The following PIKFYVE variants were observed in gnomAD, a reference collection of about 807,000 sequenced individuals.
PIKFYVE encodes phosphoinositide kinase, FYVE-type zinc finger containing.
In PIKFYVE, 122 loss-of-function variants were observed where a neutral mutation model predicts 257.9. That is an observed-to-expected ratio of 0.47 (90% CI 0.41 to 0.55). PIKFYVE has a LOEUF of 0.55. Ranked by LOEUF, PIKFYVE falls within the 20% of genes least tolerant of loss-of-function variation. The probability of loss-of-function intolerance (pLI) is 0.00; values close to 1 mark genes in which losing one functional copy is unlikely to be tolerated. For synonymous variants in PIKFYVE, 892 were observed against 868.9 expected, an observed-to-expected ratio of 1.03 and a Z score of -0.47; for missense variants, 2,160 against 2,536.6, an observed-to-expected ratio of 0.85 and a Z score of 3.19.
Position 208,336,804 on chromosome 2 carries a change from C to CATAT in PIKFYVE, c.4521-23_4521-20dup, listed in dbSNP as rs368000022. 12 of 1,398,086 alleles carry CATAT rather than the reference C, an allele frequency of 8.6e-6. No individual in the cohort carries two copies. In the African/African-American group the frequency reaches 1.1e-4, roughly 13 times the overall value. 86.6% of individuals were successfully genotyped at this position (1,398,086 alleles called of 1,614,324 possible). A position where few individuals can be genotyped will look rare whatever the true frequency, so the allele number is the denominator to read the frequency against. ...AGCACTCAAGGGGCTAGAAACAAAC[C>CATAT]ATATATATATATATTTTTTGCTTTT... On this transcript the variant is annotated intron_variant, in intron 27 of 41. Coordinates refer to ENST00000264380, the MANE Select transcript of PIKFYVE (RefSeq NM_015040.4).
At chr2:208,299,301 T>TA (rs201570001) in intron 8 of PIKFYVE, among the ~76,000 whole-genome samples, 7,554 of 152,094 alleles carry the variant, frequency 0.05, 396 homozygotes, top group African/African-American at 0.13. Context: ...TTATTATTAT[T>TA]TTTTTTGGAG....
chr2:208,342,496 A>G, intron 31 of PIKFYVE, 58 bp from the exon 32 acceptor site: 1 of 1,343,218 alleles, frequency 7.4e-7, no homozygotes, highest in South Asian at 1.2e-5. Flanking sequence ...GGCTTTCTTA[A>G]TTATATTCTT....
intron 22 of PIKFYVE, 96 bp downstream of exon 22, chr2:208,330,009 T>G: frequency 6.7e-7 from 1 of 1,499,958 alleles, no homozygotes. Flanking sequence ...TAAGTGACTG[T>G]TACATGATCC....
Position 208,354,086 on chromosome 2 carries a change from C to T in PIKFYVE, c.6033C>T (p.Ser2011=). 6.2e-7 allele frequency: 1 copy of T among 1,613,900 alleles called. No individual in the cohort carries two copies. Among genetic ancestry groups the T allele is most frequent in the South Asian group, 1.1e-5 (1 of 91,070 alleles). Residue 2011 remains serine, a synonymous_variant, in exon 40 of 42, where the codon AGC becomes AGT. Transcript: ENST00000264380. ...ATAGTGACTCCCATTTCCTTTCTAG[C>T]CACCTCATTATAGATTATTCTTTGC... ...SIHSDSHFLS[S]HLIIDYSLLV...
chr2:208,352,818 T>C, intron 39 of PIKFYVE, 36 bp downstream of exon 39: 1 of 1,605,680 alleles, frequency 6.2e-7, no homozygotes. Flanking sequence ...ATTTAGCTAC[T>C]GGAACCTTTT....
intron 13 of PIKFYVE, among the ~76,000 whole-genome samples, chr2:208,313,288 C>T (rs1204847158): frequency 6.6e-6 from 1 of 152,076 alleles, no homozygotes; most frequent in Non-Finnish European, 1.5e-5. Flanking sequence ...TATCTATTTT[C>T]ATTCATCCTT....
chr2:208,327,962 T>C (rs1355595705), intron 20 of PIKFYVE, among the ~76,000 whole-genome samples: 3 of 152,176 alleles, frequency 2.0e-5, no homozygotes, highest in Admixed American at 6.5e-5. Flanking sequence ...TATCTAGACA[T>C]TGTTTTGTAT....
At chr2:208,312,409 G>A (rs1574570004) in intron 13 of PIKFYVE, 114 bp downstream of exon 13, 2 of 809,166 alleles carry the variant, frequency 2.5e-6, no homozygotes, top group Non-Finnish European at 4.1e-6. Flanking sequence ...ATTTGATTAT[G>A]GTGGTATCAT....
Position 208,325,446 on chromosome 2 carries a change from A to C in PIKFYVE, c.2635A>C (p.Met879Leu). The change falls in exon 20 of 42, where the codon ATG (methionine) becomes CTG (leucine). Residue 879 changes from methionine to leucine, a missense_variant. Met to Leu is a conservative substitution (Grantham distance 15). This residue lies in a region of PIKFYVE where 522 missense variants were observed against 514.6 expected (regional missense o/e 1.01). Coordinates refer to ENST00000264380, the MANE Select transcript of PIKFYVE (RefSeq NM_015040.4). Reference sequence around the variant, plus strand: ...ATCCTTTCTCATGGATGAATTTGCTATGCCTCCCACATTAATGCAAAACCC... The same window carrying C: ...ATCCTTTCTCATGGATGAATTTGCTCTGCCTCCCACATTAATGCAAAACCC... The part of the protein sequence containing the change: ...EISFLMDEFA[M>L]PPTLMQNPSF... 2 of 1,614,158 alleles carry C rather than the reference A, an allele frequency of 1.2e-6. No homozygotes were observed. Among genetic ancestry groups the C allele is most frequent in the Non-Finnish European group, 1.7e-6 (2 of 1,180,022 alleles).
chr2:208,330,399 A>G, intron 22 of PIKFYVE, 124 bp from the exon 23 acceptor site: 1 of 1,109,160 alleles, frequency 9.0e-7, no homozygotes. Flanking sequence ...GACGATGTTC[A>G]GCTGCAGGCT....
Position 208,325,717 on chromosome 2 carries a change from G to A in PIKFYVE, c.2906G>A (p.Cys969Tyr). 1 of 1,613,510 alleles carries A rather than the reference G, an allele frequency of 6.2e-7. No individual in the cohort carries two copies. Among genetic ancestry groups the A allele is most frequent in the Non-Finnish European group, 8.5e-7 (1 of 1,179,568 alleles). Residue 969 changes from cysteine (C) to tyrosine (Y), a missense_variant, in exon 20 of 42, where the codon TGT becomes TAT. Around this residue, in one of 12 missense-constraint regions of PIKFYVE, gnomAD observed 522 missense variants for 514.6 expected, o/e 1.01. Transcript: ENST00000264380. ...STTACPAGLP[C>Y]AFFAPVPESL... is the part of the protein sequence containing the mutation. Reference sequence around the variant, plus strand: ...ACAGCTTGCCCGGCGGGTCTCCCTTGTGCTTTCTTTGCACCTGTACCGGAA... The same window carrying A: ...ACAGCTTGCCCGGCGGGTCTCCCTTATGCTTTCTTTGCACCTGTACCGGAA...
rs750820945 is a variant in PIKFYVE, at chr2:208,320,305, G to C, written c.2136G>C (p.Glu712Asp). ...PKILLLKCSI[E>D]YLYREETKFT... ...TTCTTCTGTTGAAGTGTTCCATTGA[G>C]TATCTCTACAGAGAAGAAACTAAGT... The change falls in exon 17 of 42, where the codon GAG becomes GAC. Residue 712 changes from glutamate to aspartate, a missense_variant. Around this residue, in one of 12 missense-constraint regions of PIKFYVE, gnomAD observed 346 missense variants for 365.6 expected, o/e 0.95. Coordinates refer to ENST00000264380, the MANE Select transcript of PIKFYVE (RefSeq NM_015040.4). 1.2e-6 allele frequency: 2 copies of C among 1,612,214 alleles called. No individual in the cohort carries two copies. The highest frequency in any genetic ancestry group is 2.2e-5 in the South Asian group (2 of 90,954).
At chr2:208,336,687 C>G in intron 27 of PIKFYVE, 151 bp from the exon 28 acceptor site, 1 of 524,102 alleles carries the variant, frequency 1.9e-6, no homozygotes, top group Non-Finnish European at 3.4e-6. Context: ...ATGACAAAAA[C>G]TTACTCTTAT....
At chr2:208,296,787 G>A (rs1167440328) in intron 7 of PIKFYVE, among the ~76,000 whole-genome samples, 1 of 152,074 alleles carries the variant, frequency 6.6e-6, no homozygotes, top group African/African-American at 2.4e-5. Flanking sequence ...AGGAAAGGGA[G>A]TTATGCTGCT....
chr2:208,351,027 G>A (rs532170859), intron 37 of PIKFYVE, 80 bp downstream of exon 37: 49 of 1,548,256 alleles, frequency 3.2e-5, no homozygotes, highest in Non-Finnish European at 3.5e-5. Context: ...GAAGGATATT[G>A]CTTAATAAGA....
intron 3 of PIKFYVE, among the ~76,000 whole-genome samples, chr2:208,275,416 C>T (rs551296420): frequency 3.0e-4 from 46 of 152,334 alleles, no homozygotes; most frequent in African/African-American, 1.0e-3. Flanking sequence ...TGCACGGAAG[C>T]ACAGCCATTA....
intron 21 of PIKFYVE, 55 bp downstream of exon 21, chr2:208,328,335 A>T: frequency 6.3e-7 from 1 of 1,587,394 alleles, no homozygotes; most frequent in Non-Finnish European, 8.6e-7. Context: ...TCCAGCAATT[A>T]AAAAAAAACA....
At chr2:208,315,416 G>A in intron 15 of PIKFYVE, 43 bp downstream of exon 15, 4 of 1,603,796 alleles carry the variant, frequency 2.5e-6, no homozygotes, top group East Asian at 2.2e-5. Flanking sequence ...AACTGATGAG[G>A]CAGGACTGAT....
chr2:208,336,719 A>G (rs998929708), intron 27 of PIKFYVE, 119 bp from the exon 28 acceptor site: 7 of 646,962 alleles, frequency 1.1e-5, no homozygotes, highest in African/African-American at 3.7e-5. Context: ...TTTAAAGACT[A>G]TGGTAATCCA....
Sources: allele counts gnomAD v4.1 joint callset (sites outside exome capture counted in the v4.1 genomes callset), GRCh38; gene constraint gnomAD v4.1.1; regional missense constraint gnomAD v4.1.1; transcripts MANE v1.5; gene names NCBI Gene and HGNC (gene_info 2026-07-23, HGNC 2026-07-21).